Variants in PBX1 observed in about 807,000 individuals in gnomAD.
PBX1 encodes pre-B-cell leukemia transcription factor 1.
PBX1 carries 6 observed loss-of-function variants against 53.4 expected under a neutral mutation model. The observed-to-expected ratio is 0.11, with a 90% CI of 0.06 to 0.22. The LOEUF (loss-of-function observed/expected upper bound fraction) is 0.22, where lower values mean the gene tolerates loss of function less well. Among genes scored for constraint, PBX1 ranks in the 10% least tolerant of loss-of-function variants. The pLI, the probability that PBX1 is intolerant of heterozygous loss-of-function variation, is 1.00. For missense variants in PBX1, 251 were observed against 551.4 expected, an observed-to-expected ratio of 0.46 and a Z score of 5.46; for synonymous variants, 204 against 212.3, an observed-to-expected ratio of 0.96 and a Z score of 0.34.
At chr1:164,573,326 G>A (rs1654000175) in intron 2 of PBX1, among the ~76,000 whole-genome samples, 2 of 151,554 alleles carry the variant, frequency 1.3e-5, no homozygotes, top group African/African-American at 4.9e-5. Flanking sequence ...AGAAACAAGT[G>A]AAATGAATTT....
At chr1:164,800,541 A>C (rs747598150) in intron 4 of PBX1, among the ~76,000 whole-genome samples, 12 of 152,222 alleles carry the variant, frequency 7.9e-5, no homozygotes, top group Non-Finnish European at 1.0e-4. Context: ...CTTTAAAAGA[A>C]GACAAGAACT....
intron 2 of PBX1, among the ~76,000 whole-genome samples, chr1:164,723,162 C>T (rs963226075): frequency 6.6e-6 from 1 of 152,178 alleles, no homozygotes; most frequent in African/African-American, 2.4e-5. Flanking sequence ...GGGCATTATG[C>T]ATCTGTCACC....
chr1:164,598,368 T>G (rs1450662895), intron 2 of PBX1, among the ~76,000 whole-genome samples: 1 of 152,156 alleles, frequency 6.6e-6, no homozygotes, highest in African/African-American at 2.4e-5. Context: ...CTGGAAAATT[T>G]CAGACAGGAG....
intron 2 of PBX1, among the ~76,000 whole-genome samples, chr1:164,874,119 G>C (rs188737686): frequency 1.3e-5 from 2 of 152,282 alleles, no homozygotes; most frequent in Admixed American, 1.3e-4. Context: ...TGATAAGGAG[G>C]CTGCATCTTC....
Position 164,847,749 on chromosome 1 carries a change from A to G in PBX1, c.*1073A>G. The G allele has an allele frequency of 9.5e-7, 1 of 1,052,618 alleles. No individual in the cohort carries two copies. Among genetic ancestry groups the G allele is most frequent in the Non-Finnish European group, 1.1e-6 (1 of 871,400 alleles). The allele number at this position is 1,052,618 out of a possible 1,614,324, so 65.2% of individuals were successfully genotyped here. A position where few individuals can be genotyped will look rare whatever the true frequency, so the allele number is the denominator to read the frequency against. ...TTGAGCCCGAGAGAGGGAATTAGTG[A>G]CTCTAAGTGAAGGTCACTGACACAG... On this transcript the variant is annotated 3_prime_UTR_variant, in exon 9 of 9. Transcript: ENST00000420696.
chr1:164,797,069 C>T (rs1164278231), intron 3 of PBX1, among the ~76,000 whole-genome samples: 2 of 152,192 alleles, frequency 1.3e-5, no homozygotes, highest in African/African-American at 4.8e-5. Context: ...GTGTGTTCCT[C>T]AGCAGCTGTT....
In PBX1 at chr1:164,844,117, T is replaced by TTC. The variant is rs1177284159; in HGVS notation, c.1201-2466_1201-2465insCT. 1.1e-3 allele frequency among the ~76,000 whole-genome samples: 161 copies of TTC among 140,340 alleles called. 2 individuals carry two copies. In the South Asian group the frequency reaches 0.03, roughly 26 times the overall value. The allele number at this position is 140,340 out of a possible 152,430, so 92.1% of individuals were successfully genotyped here. On this transcript the variant is annotated intron_variant, in intron 8 of 8. Transcript: ENST00000420696. Reference sequence around the variant, plus strand: ...CTTTTTTCTTTCTTTCTTTCTTTCTTTTTTTTTTTTTTTTTACCAGAATTT... The same window carrying TTC: ...CTTTTTTCTTTCTTTCTTTCTTTCTTTCTTTTTTTTTTTTTTTACCAGAATTT...
chr1:164,799,229 G>C (rs1330035482), intron 3 of PBX1, among the ~76,000 whole-genome samples: 1 of 152,122 alleles, frequency 6.6e-6, no homozygotes, highest in African/African-American at 2.4e-5. Flanking sequence ...AGTGGCTCAC[G>C]CCTGTAATCC....
intron 4 of PBX1, among the ~76,000 whole-genome samples, chr1:164,804,208 G>A (rs1451815470): frequency 2.0e-5 from 3 of 152,050 alleles, no homozygotes; most frequent in African/African-American, 7.2e-5. Flanking sequence ...CACTGCACAG[G>A]ATAAATTGAA....
intron 5 of PBX1, 117 bp from the exon 6 acceptor site, chr1:164,811,873 A>AATATAAG (rs11280817): frequency 0.71 from 404,485 of 565,856 alleles, 147,141 homozygotes; most frequent in African/African-American, 0.94. Flanking sequence ...CCAAATTATT[A>AATATAAG]TAGGATAAGA....
intron 2 of PBX1, among the ~76,000 whole-genome samples, chr1:164,712,307 A>G (rs1663842823): frequency 6.6e-6 from 1 of 152,010 alleles, no homozygotes; most frequent in Non-Finnish European, 1.5e-5. Context: ...TGTGGCCCAT[A>G]TGTTTCTGAG....
At chr1:164,670,920 G>T (rs1463405032) in intron 2 of PBX1, among the ~76,000 whole-genome samples, 1 of 152,140 alleles carries the variant, frequency 6.6e-6, no homozygotes, top group African/African-American at 2.4e-5. Context: ...AATGCAAATG[G>T]AGAAAATGCA....
intron 2 of PBX1, among the ~76,000 whole-genome samples, chr1:164,740,927 C>T (rs1665568694): frequency 6.6e-6 from 1 of 152,064 alleles, no homozygotes; most frequent in African/African-American, 2.4e-5. Context: ...TGGAGATTAT[C>T]GAACTTTAAA....
intron 2 of PBX1, among the ~76,000 whole-genome samples, chr1:164,574,455 G>A (rs1654083699): frequency 6.6e-6 from 1 of 152,184 alleles, no homozygotes; most frequent in Non-Finnish European, 1.5e-5. Context: ...CATGGGTTGT[G>A]AGCCCCAACA....
In PBX1 at chr1:164,846,822, T is replaced by C; in HGVS notation, c.*146T>C. Reference sequence around the variant, plus strand: ...TAAGAGTCTCCTTCTCTTCTCTTCTTTGGGATGCTATTTCAGCCAATCTGG... The same window carrying C: ...TAAGAGTCTCCTTCTCTTCTCTTCTCTGGGATGCTATTTCAGCCAATCTGG... On this transcript the variant is annotated 3_prime_UTR_variant, in exon 9 of 9. Transcript: ENST00000420696. 6.7e-7 allele frequency: 1 copy of C among 1,491,842 alleles called. No individual in the cohort carries two copies. Among genetic ancestry groups the C allele is most frequent in the South Asian group, 1.3e-5 (1 of 75,908 alleles). 92.4% of individuals were successfully genotyped at this position (1,491,842 alleles called of 1,614,324 possible).
chr1:164,731,810 C>T (rs969285198), intron 2 of PBX1, among the ~76,000 whole-genome samples: 24 of 152,286 alleles, frequency 1.6e-4, no homozygotes, highest in African/African-American at 5.3e-4. Context: ...TGAAGTCTGC[C>T]ACAGAAGTGA....
intron 2 of PBX1, among the ~76,000 whole-genome samples, chr1:164,691,930 A>G (rs1168205468): frequency 6.6e-6 from 1 of 152,248 alleles, no homozygotes; most frequent in African/African-American, 2.4e-5. Flanking sequence ...GCACAAAATC[A>G]TTAAAGTGTT....
intron 2 of PBX1, among the ~76,000 whole-genome samples, chr1:164,724,601 A>G (rs991899482): frequency 1.3e-5 from 2 of 149,616 alleles, no homozygotes; most frequent in Non-Finnish European, 3.0e-5. Context: ...GCGTCTAGAC[A>G]GTGTTAATGA....
chr1:164,867,757 G>A (rs1672253431), intron 2 of PBX1, among the ~76,000 whole-genome samples: 1 of 152,172 alleles, frequency 6.6e-6, no homozygotes, highest in Non-Finnish European at 1.5e-5. Context: ...TATCCCCCAT[G>A]GATTTCTTGT....
Sources: allele counts gnomAD v4.1 joint callset (sites outside exome capture counted in the v4.1 genomes callset), GRCh38; gene constraint gnomAD v4.1.1; transcripts MANE v1.5; gene names NCBI Gene and HGNC (gene_info 2026-07-23, HGNC 2026-07-21).